The following KYNU variants were observed in gnomAD, a reference collection of about 807,000 sequenced individuals.
The protein encoded by KYNU is L-kynurenine hydrolase.
A neutral mutation model predicts 59.2 loss-of-function variants in KYNU; 54 were observed. The observed-to-expected ratio is 0.91, with a 90% CI of 0.73 to 1.14. The LOEUF (loss-of-function observed/expected upper bound fraction) is 1.14. Among genes scored for constraint, KYNU ranks in the 50% most tolerant of loss-of-function variants. The pLI is 0.00. For synonymous variants in KYNU, 177 were observed against 192.0 expected, an observed-to-expected ratio of 0.92 and a Z score of 0.65; for missense variants, 567 against 554.4, an observed-to-expected ratio of 1.02 and a Z score of -0.23.
chr2:143,037,925 G>A (rs1686932578), intron 12 of KYNU, among the ~76,000 whole-genome samples: 1 of 152,102 alleles, frequency 6.6e-6, no homozygotes, highest in African/African-American at 2.4e-5. Context: ...TATTGTGGTT[G>A]TAATGGAGAA....
chr2:142,968,403 A>G (rs1018648255), intron 8 of KYNU, among the ~76,000 whole-genome samples: 2 of 152,200 alleles, frequency 1.3e-5, no homozygotes, highest in Non-Finnish European at 2.9e-5. Context: ...GGACAAGTCT[A>G]TAAAGCAGAC....
Position 143,054,836 on chromosome 2 carries a change from A to C in KYNU, c.*12664A>C, listed in dbSNP as rs1000183861. 3.9e-5 allele frequency: 6 copies of C among 152,218 alleles called. No individual in the cohort carries two copies. The highest frequency in any genetic ancestry group is 8.8e-5 in the Non-Finnish European group (6 of 68,040). The allele number at this position is 152,218 out of a possible 1,614,324, so 9.4% of individuals were successfully genotyped here. On this transcript the variant is annotated 3_prime_UTR_variant, in exon 14 of 14. Transcript: ENST00000264170. ...GGAGAAGGCACTACCCTGAATTATG[A>C]GACTGAAGAGATATAATAAACAAAT...
chr2:143,034,939 C>G (rs987848778), intron 12 of KYNU, among the ~76,000 whole-genome samples: 1 of 152,128 alleles, frequency 6.6e-6, no homozygotes, highest in Non-Finnish European at 1.5e-5. Flanking sequence ...TCCTTTTAGA[C>G]GCCTTCACTT....
At chr2:142,884,335 C>T (rs562315980) in intron 1 of KYNU, among the ~76,000 whole-genome samples, 1 of 152,292 alleles carries the variant, frequency 6.6e-6, no homozygotes, top group South Asian at 2.1e-4. Flanking sequence ...ATGGTTTTCA[C>T]TCACAAAAAA....
intron 10 of KYNU, among the ~76,000 whole-genome samples, chr2:143,001,814 G>A (rs1166794797): frequency 6.6e-6 from 1 of 152,142 alleles, no homozygotes; most frequent in African/African-American, 2.4e-5. Flanking sequence ...CTACCTCAAA[G>A]TGGTGTTGTA....
chr2:142,885,565 T>G, intron 2 of KYNU, 29 bp downstream of exon 2: 1 of 1,518,830 alleles, frequency 6.6e-7, no homozygotes, highest in Non-Finnish European at 9.0e-7. Flanking sequence ...TTTTTAAATT[T>G]TATTTATTTA....
intron 4 of KYNU, 100 bp from the exon 5 acceptor site, chr2:142,954,710 A>G (rs931201574): frequency 1.3e-6 from 1 of 797,376 alleles, no homozygotes; most frequent in Non-Finnish European, 2.2e-6. Flanking sequence ...CCTTATCTCT[A>G]AAGACATTAA....
chr2:143,024,779 T>G (rs189728927), intron 10 of KYNU, among the ~76,000 whole-genome samples: 80 of 152,224 alleles, frequency 5.3e-4, no homozygotes, highest in African/African-American at 1.9e-3. Flanking sequence ...TCAATGTAGA[T>G]TCAAATCATT....
intron 10 of KYNU, among the ~76,000 whole-genome samples, chr2:143,004,519 T>TG (rs1685808490): frequency 1.3e-5 from 2 of 152,244 alleles, no homozygotes; most frequent in South Asian, 4.1e-4. Flanking sequence ...GAGACCAGCC[T>TG]GGCCAACATG....
chr2:143,008,290 A>G (rs1472615079), intron 10 of KYNU, among the ~76,000 whole-genome samples: 5 of 120,580 alleles, frequency 4.1e-5, no homozygotes, highest in Non-Finnish European at 8.3e-5. Flanking sequence ...TTAAACCAAC[A>G]AAGATCAAAA....
At chr2:143,037,628 G>T (rs1480761405) in intron 12 of KYNU, among the ~76,000 whole-genome samples, 1 of 151,984 alleles carries the variant, frequency 6.6e-6, no homozygotes, top group Admixed American at 6.6e-5. Flanking sequence ...AGCTTTTCAA[G>T]CTTTGTGTTC....
At chr2:143,004,739 A>G (rs1685819176) in intron 10 of KYNU, among the ~76,000 whole-genome samples, 1 of 152,152 alleles carries the variant, frequency 6.6e-6, no homozygotes, top group Admixed American at 6.5e-5. Flanking sequence ...TTTCCTCCCG[A>G]GCATACAATA....
chr2:142,885,193 A>G (rs562160624), intron 1 of KYNU, among the ~76,000 whole-genome samples, 156 bp from the exon 2 acceptor site: 86 of 150,136 alleles, frequency 5.7e-4, no homozygotes, highest in Non-Finnish European at 1.1e-3. Context: ...TATGAGAAAA[A>G]CTCATGCATG....
intron 10 of KYNU, among the ~76,000 whole-genome samples, chr2:142,999,097 C>T (rs151012465): frequency 1.6e-3 from 247 of 151,794 alleles, no homozygotes; most frequent in African/African-American, 5.8e-3. Flanking sequence ...TCTGCCAGCC[C>T]CAAACCCGGA....
intron 10 of KYNU, among the ~76,000 whole-genome samples, chr2:142,993,598 AT>A (rs1189905518): frequency 1.3e-5 from 2 of 151,976 alleles, no homozygotes; most frequent in African/African-American, 2.4e-5. Flanking sequence ...TTTTTAAAGG[AT>A]TTTTTTAAAA....
intron 4 of KYNU, among the ~76,000 whole-genome samples, chr2:142,934,075 C>G (rs191320648): frequency 1.8e-4 from 28 of 152,226 alleles, no homozygotes; most frequent in Admixed American, 1.8e-3. Context: ...CTGGATTAAG[C>G]GATAAGTTTC....
At chr2:142,880,990 G>A (rs1025952151) in intron 1 of KYNU, among the ~76,000 whole-genome samples, 2 of 152,182 alleles carry the variant, frequency 1.3e-5, no homozygotes, top group Non-Finnish European at 2.9e-5. Context: ...GTACATAAGT[G>A]TGCTCTTAAT....
At chr2:142,967,483 T>G (rs536807475) in intron 8 of KYNU, 12 of 152,216 alleles carry the variant, frequency 7.9e-5, no homozygotes, top group African/African-American at 2.9e-4. Context: ...TATTAAAAAA[T>G]AATAATCACA....
intron 10 of KYNU, among the ~76,000 whole-genome samples, chr2:143,010,926 G>C (rs1271040882): frequency 1.4e-5 from 2 of 145,602 alleles, no homozygotes; most frequent in Non-Finnish European, 3.0e-5. Flanking sequence ...ATGGATTAAA[G>C]ATTTAAACGT....
Sources: allele counts gnomAD v4.1 joint callset (sites outside exome capture counted in the v4.1 genomes callset), GRCh38; gene constraint gnomAD v4.1.1; transcripts MANE v1.5; gene names NCBI Gene and HGNC (gene_info 2026-07-23, HGNC 2026-07-21).